The following ESRRG variants were observed in gnomAD, a reference collection of about 807,000 sequenced individuals.
ESRRG encodes the protein estrogen-related receptor gamma.
Under a neutral mutation model 44.0 loss-of-function variants are expected in ESRRG, and 13 were observed. The observed-to-expected ratio is 0.30, with a 90% CI of 0.19 to 0.47. The LOEUF is 0.47. Ranked by LOEUF, ESRRG falls within the 20% of genes least tolerant of loss-of-function variation. The pLI, the probability that ESRRG is intolerant of heterozygous loss-of-function variation, is 1.00. For missense variants in ESRRG, 395 were observed against 580.6 expected (o/e 0.68, Z 3.29); for synonymous variants, 215 against 214.6 (o/e 1.00, Z -0.02).
intron 1 of ESRRG, among the ~76,000 whole-genome samples, chr1:217,059,192 T>C (rs992180414): frequency 6.0e-5 from 9 of 149,714 alleles, no homozygotes; most frequent in Admixed American, 2.0e-4. Context: ...CAGGCTCAGG[T>C]GAACTATACT....
At chr1:217,028,238 C>T (rs1433613929) in intron 1 of ESRRG, among the ~76,000 whole-genome samples, 1 of 152,172 alleles carries the variant, frequency 6.6e-6, no homozygotes, top group Non-Finnish European at 1.5e-5. Context: ...TCTCCATTAC[C>T]TCTCCATGTA....
chr1:216,882,688 G>A (rs2096463736), intron 2 of ESRRG, among the ~76,000 whole-genome samples: 1 of 152,104 alleles, frequency 6.6e-6, no homozygotes, highest in Non-Finnish European at 1.5e-5. Flanking sequence ...GCAGAAAATG[G>A]GTGGGGGTAG....
intron 2 of ESRRG, among the ~76,000 whole-genome samples, chr1:216,865,776 C>T (rs1334716584): frequency 6.6e-6 from 1 of 152,156 alleles, no homozygotes; most frequent in Non-Finnish European, 1.5e-5. Context: ...TTTACAATGG[C>T]ATTCCTTTTG....
chr1:216,791,318 C>T (rs887830190), intron 2 of ESRRG, among the ~76,000 whole-genome samples: 5 of 152,018 alleles, frequency 3.3e-5, no homozygotes, highest in African/African-American at 9.7e-5. Context: ...CTTTCTCCTG[C>T]TTGCTCCATG....
At chr1:216,942,052 C>T (rs956070714) in intron 1 of ESRRG, among the ~76,000 whole-genome samples, 1 of 152,076 alleles carries the variant, frequency 6.6e-6, no homozygotes, top group African/African-American at 2.4e-5. Context: ...AGTTTTTCAA[C>T]CCTTGATCCC....
Position 216,646,403 on chromosome 1 carries a change from C to T in ESRRG, c.589+4570G>A, listed in dbSNP as rs116291129. Among the ~76,000 whole-genome samples, 140 of 152,246 alleles carry T rather than the reference C, an allele frequency of 9.2e-4. 1 individual carries two copies. Among genetic ancestry groups the T allele is most frequent in the African/African-American group, 3.2e-3 (134 of 41,554 alleles). On this transcript the variant is annotated intron_variant, in intron 3 of 6. Transcript: ENST00000408911. Reference sequence around the variant, plus strand: ...ACTAGACCCTGTATCTACATTAAATCTCTTGGTCTTCACAAAAACCTCACA... The same window carrying T: ...ACTAGACCCTGTATCTACATTAAATTTCTTGGTCTTCACAAAAACCTCACA...
At chr1:217,126,576 T>C (rs75915518) in intron 1 of ESRRG, among the ~76,000 whole-genome samples, 2,644 of 152,160 alleles carry the variant, frequency 0.017, 74 homozygotes, top group African/African-American at 0.053. Context: ...ACATAGAATA[T>C]TAAAATATTT....
At chr1:217,079,670 A>T (rs948181338) in intron 1 of ESRRG, among the ~76,000 whole-genome samples, 1 of 152,184 alleles carries the variant, frequency 6.6e-6, no homozygotes, top group East Asian at 1.9e-4. Flanking sequence ...TGGAGACACT[A>T]TAACTACCAT....
At chr1:217,073,781 G>A (rs922430481) in intron 1 of ESRRG, among the ~76,000 whole-genome samples, 9 of 151,880 alleles carry the variant, frequency 5.9e-5, no homozygotes, top group Admixed American at 3.9e-4. Flanking sequence ...AAGAGAGAAA[G>A]AGAAGTAAAG....
intron 2 of ESRRG, among the ~76,000 whole-genome samples, chr1:216,762,522 A>G (rs2152348089): frequency 7.2e-6 from 1 of 139,284 alleles, no homozygotes; most frequent in Admixed American, 7.3e-5. Context: ...ACATGGACAC[A>G]GGAAGGGGAA....
At chr1:216,898,910 G>A (rs945795148) in intron 2 of ESRRG, among the ~76,000 whole-genome samples, 22 of 152,102 alleles carry the variant, frequency 1.4e-4, no homozygotes, top group African/African-American at 5.1e-4. Context: ...GGAAATCTTA[G>A]GCAGTAGGGA....
chr1:216,985,221 A>G (rs867231522), intron 1 of ESRRG, among the ~76,000 whole-genome samples: 9 of 152,310 alleles, frequency 5.9e-5, no homozygotes, highest in Middle Eastern at 3.4e-3. Context: ...GATTCTTTTG[A>G]ACAGCCTAAT....
chr1:216,744,181 G>A lies in ESRRG; in HGVS notation c.-13-66690C>T, dbSNP rs78018844. On this transcript the variant is annotated intron_variant, in intron 2 of 7. Coordinates refer to the ESRRG transcript ENST00000359162. ...TGAGGGAGTAAGAAATACATTGTCC[G>A]TTAGAGTCTCTTCCTCTGTGCCTCT... Among the ~76,000 whole-genome samples, 768 of 152,248 alleles carry A rather than the reference G, an allele frequency of 5.0e-3. 5 individuals carry two copies. Among genetic ancestry groups the A allele is most frequent in the African/African-American group, 0.017 (713 of 41,554 alleles).
chr1:217,136,729 A>G (rs1162898497), intron 1 of ESRRG, among the ~76,000 whole-genome samples: 2 of 152,158 alleles, frequency 1.3e-5, no homozygotes, highest in Non-Finnish European at 2.9e-5. Context: ...TTGGCTCAGT[A>G]GGATTTTCAT....
intron 5 of ESRRG, among the ~76,000 whole-genome samples, chr1:216,530,171 T>C (rs1443997890): frequency 1.3e-5 from 2 of 150,958 alleles, no homozygotes; most frequent in African/African-American, 2.4e-5. Flanking sequence ...CATGGTTGCT[T>C]CATTTCTGTT....
chr1:216,827,271 T>C (rs1344874), intron 2 of ESRRG, among the ~76,000 whole-genome samples: 94,033 of 152,006 alleles, frequency 0.62, 29,668 homozygotes, highest in African/African-American at 0.68. Context: ...GAAAAAGAAG[T>C]CTGTAAAATG....
chr1:217,055,942 C>A (rs2086996711), intron 1 of ESRRG, among the ~76,000 whole-genome samples: 1 of 152,132 alleles, frequency 6.6e-6, no homozygotes, highest in Admixed American at 6.6e-5. Flanking sequence ...AGATCCTAGG[C>A]TCACCAAACT....
chr1:217,016,274 C>T lies in ESRRG; in HGVS notation c.-106+73233G>A, dbSNP rs1296364005. ...TGTACATTTTTAATAAAGCCAAGTG[C>T]CATTTCCTTTTTTTTTAAGATTGTA... On this transcript the variant is annotated intron_variant, in intron 1 of 7. Transcript: ENST00000359162. Among the ~76,000 whole-genome samples, 6 of 151,826 alleles carry T rather than the reference C, an allele frequency of 4.0e-5. No homozygotes were observed. The East Asian group carries it at 1.2e-3, about 29-fold the overall frequency.
At chr1:216,999,362 T>G (rs1201254524) in intron 1 of ESRRG, among the ~76,000 whole-genome samples, 1 of 152,244 alleles carries the variant, frequency 6.6e-6, no homozygotes, top group Non-Finnish European at 1.5e-5. Flanking sequence ...CCACTCTTTA[T>G]CAAGCACATA....
Sources: allele counts gnomAD v4.1 joint callset (sites outside exome capture counted in the v4.1 genomes callset), GRCh38; gene constraint gnomAD v4.1.1; transcripts MANE v1.5; gene names NCBI Gene and HGNC (gene_info 2026-07-23, HGNC 2026-07-21).